Variants in LRRC36 observed in about 807,000 individuals in gnomAD.
LRRC36 encodes leucine-rich repeat-containing protein 36.
A neutral mutation model predicts 81.1 loss-of-function variants in LRRC36; 62 were observed. That is an observed-to-expected ratio of 0.76 (90% CI 0.62 to 0.94). The LOEUF (loss-of-function observed/expected upper bound fraction) is 0.94, where lower values mean the gene tolerates loss of function less well. Among genes scored for constraint, LRRC36 ranks in the 40% least tolerant of loss-of-function variants. LRRC36 has a pLI of 0.00. For synonymous variants in LRRC36, 334 were observed against 348.6 expected (o/e 0.96, Z 0.47); for missense variants, 761 against 881.7 (o/e 0.86, Z 1.73).
At chr16:67,327,138 G>C (rs2037224659) in intron 1 of LRRC36, 2 of 484,354 alleles carry the variant, frequency 4.1e-6, no homozygotes, top group Admixed American at 8.8e-5. Flanking sequence ...GAGGGTGTGG[G>C]GCAGAGCCCG....
chr16:67,361,422 T>C (rs542019976), intron 5 of LRRC36, among the ~76,000 whole-genome samples: 6 of 152,304 alleles, frequency 3.9e-5, no homozygotes, highest in Non-Finnish European at 7.3e-5. Context: ...ACTTTTTATT[T>C]TTAAAATAAT....
intron 1 of LRRC36, among the ~76,000 whole-genome samples, chr16:67,332,630 A>G (rs754165569): frequency 2.0e-5 from 3 of 152,228 alleles, no homozygotes; most frequent in Admixed American, 6.5e-5. Flanking sequence ...CATGTGAATC[A>G]TTAAAGAATG....
At chr16:67,382,344 A>G in intron 13 of LRRC36, 97 bp downstream of exon 13, 2 of 788,782 alleles carry the variant, frequency 2.5e-6, no homozygotes, top group Non-Finnish European at 4.1e-6. Context: ...TGCACTTTGC[A>G]AGTGAACTCC....
At chr16:67,364,702 C>CA (rs749823177) in intron 6 of LRRC36, among the ~76,000 whole-genome samples, 2 of 149,800 alleles carry the variant, frequency 1.3e-5, no homozygotes, top group Non-Finnish European at 3.0e-5. Flanking sequence ...AAAAAGCAAA[C>CA]AAAAAAACTT....
chr16:67,336,012 G>A (rs1013245500), intron 1 of LRRC36, among the ~76,000 whole-genome samples: 1 of 152,180 alleles, frequency 6.6e-6, no homozygotes, highest in Non-Finnish European at 1.5e-5. Context: ...GATTACAGGC[G>A]TGAGCCACCG....
chr16:67,367,641 A>G (rs1358172578), intron 8 of LRRC36, among the ~76,000 whole-genome samples, 184 bp downstream of exon 8: 2 of 152,190 alleles, frequency 1.3e-5, no homozygotes, highest in Non-Finnish European at 2.9e-5. Context: ...TGATATATAT[A>G]TTAGGGAAAA....
At chr16:67,371,424 C>A in intron 9 of LRRC36, 182 bp downstream of exon 9, 1 of 660,064 alleles carries the variant, frequency 1.5e-6, no homozygotes, top group Non-Finnish European at 2.7e-6. Context: ...TTGGGAAAGT[C>A]ATTCCCCCAC....
intron 12 of LRRC36, among the ~76,000 whole-genome samples, chr16:67,381,611 CAT>C (rs2040113390): frequency 6.6e-6 from 1 of 152,148 alleles, no homozygotes; most frequent in African/African-American, 2.4e-5. Flanking sequence ...AATGAACCAA[CAT>C]GTGCAATATT....
intron 5 of LRRC36, among the ~76,000 whole-genome samples, chr16:67,363,082 T>G (rs1224575077): frequency 6.6e-6 from 1 of 152,118 alleles, no homozygotes; most frequent in Non-Finnish European, 1.5e-5. Flanking sequence ...CACGCCCAGC[T>G]TAGTTTTCTC....
chr16:67,376,637 T>C (rs987236202), intron 10 of LRRC36, 90 bp from the exon 11 acceptor site: 9 of 1,346,880 alleles, frequency 6.7e-6, no homozygotes, highest in Middle Eastern at 1.9e-4. Context: ...CATTAGCCTA[T>C]TTGATCCAGA....
intron 5 of LRRC36, among the ~76,000 whole-genome samples, chr16:67,359,066 G>A (rs144290592): frequency 1.1e-4 from 17 of 152,176 alleles, no homozygotes; most frequent in African/African-American, 3.1e-4. Context: ...CTTATGCATC[G>A]CTGGTAGGAA....
chr16:67,328,800 A>T (rs780712659), intron 1 of LRRC36, among the ~76,000 whole-genome samples: 1 of 152,026 alleles, frequency 6.6e-6, no homozygotes, highest in Non-Finnish European at 1.5e-5. Context: ...TCTTTCACGT[A>T]TACCTCACCT....
At position 67,363,599 on chromosome 16, in the gene LRRC36, A is replaced by C. The variant is rs1355394590; in HGVS notation, c.587A>C (p.Lys196Thr). The change falls in exon 6 of 14, where the codon AAA becomes ACA. Residue 196 changes from lysine to threonine, a missense_variant. Coordinates refer to ENST00000329956, the MANE Select transcript of LRRC36 (RefSeq NM_018296.6). ...VDSRIEMDSN[K>T]GLFIPFPNRE... ...TTTTCTTTTAACACAGACTCAAACA[A>C]AGGACTTTTTATTCCCTTCCCCAAC... is the stretch of plus-strand genomic sequence containing the variant. The C allele has an allele frequency of 6.2e-7, 1 of 1,613,830 alleles. No individual in the cohort carries two copies. Among genetic ancestry groups the C allele is most frequent in the Non-Finnish European group, 8.5e-7 (1 of 1,179,866 alleles).
chr16:67,359,664 G>A (rs1382945757), intron 5 of LRRC36, among the ~76,000 whole-genome samples: 1 of 152,198 alleles, frequency 6.6e-6, no homozygotes, highest in Non-Finnish European at 1.5e-5. Flanking sequence ...TTCTCCCACA[G>A]TCATAGAGTG....
intron 1 of LRRC36, among the ~76,000 whole-genome samples, chr16:67,340,346 C>T (rs919270169): frequency 6.6e-6 from 1 of 151,902 alleles, no homozygotes; most frequent in Admixed American, 6.6e-5. Flanking sequence ...AGATTCTCCC[C>T]TTTTCAGGAC....
intron 1 of LRRC36, among the ~76,000 whole-genome samples, chr16:67,336,158 C>T (rs932754160): frequency 3.9e-5 from 6 of 152,162 alleles, no homozygotes; most frequent in Non-Finnish European, 5.9e-5. Context: ...CATGTCTTTC[C>T]GTGGTTAATA....
At position 67,367,408 on chromosome 16, in the gene LRRC36, T is replaced by C. The variant is rs2039448676; in HGVS notation, c.1146T>C (p.Ser382=). 3 of 1,613,988 alleles carry C rather than the reference T, an allele frequency of 1.9e-6. No individual in the cohort carries two copies. Among genetic ancestry groups the C allele is most frequent in the Admixed American group, 3.3e-5 (2 of 60,008 alleles). Residue 382 remains serine, a synonymous_variant, in exon 8 of 14, where the codon TCT becomes TCC. Transcript: ENST00000329956. The part of the protein sequence containing the change: ...ASHSCGDLLT[S]LSNPDSSTGR... ...ATTCCTGTGGAGACTTATTAACTTC[T>C]CTGTCAAACCCTGACTCCAGCACTG...
At position 67,371,067 on chromosome 16, in the gene LRRC36, T is replaced by G. The variant is rs1255707136; in HGVS notation, c.1319T>G (p.Leu440Arg). 6.2e-7 allele frequency: 1 copy of G among 1,614,162 alleles called. No homozygotes were observed. The highest frequency in any genetic ancestry group is 8.5e-7 in the Non-Finnish European group (1 of 1,180,022). Residue 440 changes from leucine to arginine, a missense_variant, in exon 9 of 14, where the codon CTG (leucine) becomes CGG (arginine). By Grantham distance (102) the Leu-to-Arg change is moderately radical (BLOSUM62 -2). Coordinates refer to ENST00000329956, the MANE Select transcript of LRRC36 (RefSeq NM_018296.6). ...GGTTCTGTCCCAAACAACGCTGTCC[T>G]GGGAAACAGGACAACTCCTCTGCGG... ...AHGSVPNNAV[L>R]GNRTTPLRTL...
rs1015471341 is a variant in LRRC36 at position 67,378,235 on chromosome 16, C to CTTTTTT, written c.1807-337_1807-332dup. ...TAAACACACCTTAGCATGTCAGATT[C>CTTTTTT]TTTTTTTTTTTTTTTTTTTTTTGAG... On this transcript the variant is annotated intron_variant, in intron 11 of 13. Coordinates refer to ENST00000329956, the MANE Select transcript of LRRC36 (RefSeq NM_018296.6). 4.3e-4 allele frequency among the ~76,000 whole-genome samples: 43 copies of CTTTTTT among 100,476 alleles called. 2 individuals carry two copies. Among genetic ancestry groups the CTTTTTT allele is most frequent in the African/African-American group, 6.2e-4 (13 of 21,082 alleles). The allele number at this position is 100,476 out of a possible 152,430, so 65.9% of individuals were successfully genotyped here. A position where few individuals can be genotyped will look rare whatever the true frequency, so the allele number is the denominator to read the frequency against.
Sources: allele counts gnomAD v4.1 joint callset (sites outside exome capture counted in the v4.1 genomes callset), GRCh38; gene constraint gnomAD v4.1.1; transcripts MANE v1.5; gene names NCBI Gene and HGNC (gene_info 2026-07-23, HGNC 2026-07-21).